RAB27A: variants seen among roughly 807,000 people sequenced by gnomAD.
RAB27A encodes ras-related protein Rab-27A.
In RAB27A, 17 loss-of-function variants were observed where a neutral mutation model predicts 20.8. That is an observed-to-expected ratio of 0.82 (90% CI 0.56 to 1.23). The LOEUF (loss-of-function observed/expected upper bound fraction) is 1.23, where lower values mean the gene tolerates loss of function less well. Ranked by LOEUF, RAB27A falls within the 50% of genes most tolerant of loss-of-function variation. The pLI is 0.00. For synonymous variants in RAB27A, 85 were observed against 92.8 expected, an observed-to-expected ratio of 0.92 and a Z score of 0.48; for missense variants, 277 against 266.7, an observed-to-expected ratio of 1.04 and a Z score of -0.27.
At chr15:55,233,102 G>A (rs1896099783) in intron 3 of RAB27A, among the ~76,000 whole-genome samples, 3 of 152,036 alleles carry the variant, frequency 2.0e-5, no homozygotes, top group Admixed American at 2.0e-4. Context: ...TCCAGTCTGA[G>A]CAACAGAGAG....
At chr15:55,316,558 C>G (rs1768934549) in intron 1 of RAB27A, among the ~76,000 whole-genome samples, 1 of 149,856 alleles carries the variant, frequency 6.7e-6, no homozygotes, top group African/African-American at 2.5e-5. Flanking sequence ...TACAAACCTG[C>G]ACGTTCAGCA....
chr15:55,223,795 TTTAA>T, intron 6 of RAB27A, 90 bp downstream of exon 6: 1 of 1,506,528 alleles, frequency 6.6e-7, no homozygotes, highest in Non-Finnish European at 9.1e-7. Context: ...GAGGTTTTGC[TTTAA>T]TTGTCCACTT....
chr15:55,285,576 T>C (rs577837703), intron 1 of RAB27A, among the ~76,000 whole-genome samples: 2 of 152,060 alleles, frequency 1.3e-5, no homozygotes, highest in Non-Finnish European at 2.9e-5. Flanking sequence ...GGAAACCAAA[T>C]CATAAACTCA....
At position 55,205,337 on chromosome 15, in the gene RAB27A, AG is replaced by A; in HGVS notation, c.*169del. On this transcript the variant is annotated 3_prime_UTR_variant, in exon 7 of 7. Coordinates refer to ENST00000336787, the MANE Select transcript of RAB27A (RefSeq NM_183235.3). ...CTGAATCTTAAAGAAATATTTACAA[AG>A]CTGCAACAAATTAATTTTAGAACCG... The A allele has an allele frequency of 1.4e-6, 1 of 708,250 alleles. No individual in the cohort carries two copies. Among genetic ancestry groups the A allele is most frequent in the Non-Finnish European group, 2.4e-6 (1 of 414,084 alleles). The allele number at this position is 708,250 out of a possible 1,614,324, so 43.9% of individuals were successfully genotyped here. A position where few individuals can be genotyped will look rare whatever the true frequency, so the allele number is the denominator to read the frequency against.
chr15:55,234,409 A>G (rs1182244124), intron 3 of RAB27A, among the ~76,000 whole-genome samples: 1 of 152,192 alleles, frequency 6.6e-6, no homozygotes, highest in East Asian at 1.9e-4. Flanking sequence ...ATGCCATTAA[A>G]AATAATAAGA....
Position 55,235,815 on chromosome 15 carries a change from G to A in RAB27A, c.-22-859C>T, listed in dbSNP as rs373621649. Among the ~76,000 whole-genome samples, 23 of 151,692 alleles carry A rather than the reference G, an allele frequency of 1.5e-4. No homozygotes were observed. In the South Asian group the frequency reaches 1.9e-3, roughly 12 times the overall value. On this transcript the variant is annotated intron_variant, in intron 2 of 6. Coordinates refer to ENST00000336787, the MANE Select transcript of RAB27A (RefSeq NM_183235.3). ...ATCTGTATATATATACACACACCAC[G>A]GAATACTACTCAGCCACAAAAAGGA...
intron 3 of RAB27A, among the ~76,000 whole-genome samples, chr15:55,232,365 G>T (rs190647101): frequency 3.1e-4 from 47 of 152,200 alleles, no homozygotes; most frequent in Non-Finnish European, 7.4e-5. Context: ...AACCCAGGTA[G>T]GGGAAAGAAT....
At chr15:55,235,236 T>G (rs1448953824) in intron 2 of RAB27A, among the ~76,000 whole-genome samples, 2 of 151,978 alleles carry the variant, frequency 1.3e-5, no homozygotes, top group Non-Finnish European at 2.9e-5. Flanking sequence ...TCACCTAAGG[T>G]TGGGAATTCG....
intron 2 of RAB27A, among the ~76,000 whole-genome samples, chr15:55,264,266 G>T (rs1298587696): frequency 6.6e-6 from 1 of 152,154 alleles, no homozygotes; most frequent in Non-Finnish European, 1.5e-5. Context: ...GCCCAGGCTG[G>T]TCTCAAACTC....
intron 1 of RAB27A, among the ~76,000 whole-genome samples, chr15:55,286,942 C>T (rs570203312): frequency 7.6e-5 from 8 of 105,376 alleles, no homozygotes; most frequent in Admixed American, 1.4e-4. Flanking sequence ...TTTTTTGAGA[C>T]GGACTCACAC....
At chr15:55,295,461 G>A (rs1417673243) in intron 2 of RAB27A, among the ~76,000 whole-genome samples, 1 of 152,124 alleles carries the variant, frequency 6.6e-6, no homozygotes, top group Admixed American at 6.6e-5. Flanking sequence ...TGGCCACCAA[G>A]GAATGAATAA....
intron 1 of RAB27A, among the ~76,000 whole-genome samples, chr15:55,279,219 T>TCCAC (rs1173818742): frequency 1.3e-5 from 2 of 152,144 alleles, no homozygotes. Context: ...CTATTTCTTC[T>TCCAC]CCACCCAGTG....
At chr15:55,214,091 A>T (rs1212488207) in intron 6 of RAB27A, among the ~76,000 whole-genome samples, 1 of 152,202 alleles carries the variant, frequency 6.6e-6, no homozygotes, top group Middle Eastern at 3.2e-3. Flanking sequence ...CCAGGAGGTG[A>T]TAAGGCCTTG....
upstream of RAB27A, among the ~76,000 whole-genome samples, chr15:55,290,672 G>A (rs1367824000): frequency 6.6e-6 from 1 of 152,224 alleles, no homozygotes; most frequent in Non-Finnish European, 1.5e-5. Context: ...CCGGCCTGCG[G>A]GGTAGTGAAC....
chr15:55,275,662 G>T (rs1452877033), intron 1 of RAB27A, among the ~76,000 whole-genome samples: 1 of 150,462 alleles, frequency 6.6e-6, no homozygotes, highest in South Asian at 2.1e-4. Context: ...CCTATAGAAG[G>T]GAAAAAAAGG....
chr15:55,285,866 C>A (rs1375745496), intron 1 of RAB27A, among the ~76,000 whole-genome samples: 2 of 152,244 alleles, frequency 1.3e-5, no homozygotes, highest in Non-Finnish European at 2.9e-5. Flanking sequence ...GAGATAGGCA[C>A]TGAATGGCCC....
At chr15:55,206,346 T>C (rs1026925541) in intron 6 of RAB27A, 37 of 738,110 alleles carry the variant, frequency 5.0e-5, no homozygotes, top group Admixed American at 6.3e-5. Context: ...TTTTTTCGTT[T>C]AAGTTTTTGG....
At chr15:55,311,771 T>C (rs1425732445) in intron 2 of RAB27A, among the ~76,000 whole-genome samples, 3 of 152,152 alleles carry the variant, frequency 2.0e-5, no homozygotes, top group Admixed American at 6.5e-5. Flanking sequence ...TTTCTTAGCA[T>C]GTGAGAGTCC....
At chr15:55,276,057 T>A (rs1897866144) in intron 1 of RAB27A, among the ~76,000 whole-genome samples, 1 of 152,070 alleles carries the variant, frequency 6.6e-6, no homozygotes, top group Non-Finnish European at 1.5e-5. Flanking sequence ...AAAAAAATGT[T>A]TTCAAAAATT....
Sources: gnomAD v4.1 joint callset for allele counts (sites outside exome capture counted in the v4.1 genomes callset) on GRCh38, gnomAD v4.1.1 for gene constraint, MANE v1.5 for transcripts, NCBI Gene and HGNC (gene_info 2026-07-23, HGNC 2026-07-21) for gene names.